ROBO1: variants seen among roughly 807,000 people sequenced by gnomAD.
The protein encoded by ROBO1 is roundabout homolog 1.
A neutral mutation model predicts 195.9 loss-of-function variants in ROBO1; 149 were observed. The ratio of observed to expected loss-of-function variants is 0.76; its 90% CI spans 0.67 to 0.87. ROBO1 has a LOEUF of 0.87. ROBO1 is among the 40% of genes least tolerant of loss of function. The pLI, the probability that ROBO1 is intolerant of heterozygous loss-of-function variation, is 0.00. For missense variants in ROBO1, 1,933 were observed against 2,068.3 expected (o/e 0.93, Z 1.27); for synonymous variants, 816 against 733.2 (o/e 1.11, Z -1.82).
intron 2 of ROBO1, among the ~76,000 whole-genome samples, chr3:79,190,597 G>C (rs1011118278): frequency 1.3e-5 from 2 of 151,440 alleles, no homozygotes; most frequent in African/African-American, 2.4e-5. Flanking sequence ...CAGTGTTGTT[G>C]CATTGTTTTC....
At chr3:79,467,822 G>A (rs757653128) in intron 2 of ROBO1, among the ~76,000 whole-genome samples, 7 of 152,180 alleles carry the variant, frequency 4.6e-5, no homozygotes, top group African/African-American at 1.4e-4. Context: ...CTAGACTGCC[G>A]TGGGGCTAGA....
chr3:79,223,396 C>T (rs1251776169), intron 2 of ROBO1, among the ~76,000 whole-genome samples: 1 of 152,070 alleles, frequency 6.6e-6, no homozygotes. Flanking sequence ...ACAACAGTAT[C>T]TATATTATTC....
chr3:79,166,936 A>T (rs895095381), intron 2 of ROBO1, among the ~76,000 whole-genome samples: 2 of 152,142 alleles, frequency 1.3e-5, no homozygotes, highest in Admixed American at 1.3e-4. Flanking sequence ...TTCCAAAGAC[A>T]TCTTCTTAGG....
intron 1 of ROBO1, among the ~76,000 whole-genome samples, chr3:79,637,432 T>C (rs1260415197): frequency 1.3e-5 from 2 of 149,604 alleles, no homozygotes; most frequent in Admixed American, 6.7e-5. Context: ...AAACCCTTTT[T>C]AAGAGTAAAA....
At chr3:78,985,921 G>A (rs1303372049) in intron 3 of ROBO1, among the ~76,000 whole-genome samples, 1 of 152,096 alleles carries the variant, frequency 6.6e-6, no homozygotes, top group African/African-American at 2.4e-5. Flanking sequence ...TTATGTGGAT[G>A]ATGAAAACCC....
intron 3 of ROBO1, among the ~76,000 whole-genome samples, chr3:78,997,335 A>T (rs1409004967): frequency 6.6e-6 from 1 of 152,160 alleles, no homozygotes; most frequent in Non-Finnish European, 1.5e-5. Flanking sequence ...ACTAGCATAT[A>T]GGTTCCATGA....
intron 4 of ROBO1, among the ~76,000 whole-genome samples, chr3:78,881,205 A>G (rs908713316): frequency 3.9e-5 from 6 of 152,292 alleles, no homozygotes; most frequent in African/African-American, 1.4e-4. Context: ...TATTGATGAG[A>G]GGATTCTGAG....
At chr3:79,167,035 G>T (rs1325434046) in intron 2 of ROBO1, among the ~76,000 whole-genome samples, 1 of 151,962 alleles carries the variant, frequency 6.6e-6, no homozygotes, top group Non-Finnish European at 1.5e-5. Context: ...AAGACTGTCA[G>T]AATTCTGGCT....
intron 4 of ROBO1, among the ~76,000 whole-genome samples, chr3:78,884,648 A>AAGG (rs2036413307): frequency 1.0e-3 from 110 of 107,506 alleles, no homozygotes; most frequent in East Asian, 5.1e-3. Flanking sequence ...AGAAAGAAAG[A>AAGG]AAGGAAGGAA....
At chr3:79,072,277 T>C (rs1435538067) in intron 3 of ROBO1, among the ~76,000 whole-genome samples, 1 of 151,910 alleles carries the variant, frequency 6.6e-6, no homozygotes, top group Non-Finnish European at 1.5e-5. Flanking sequence ...GTTCAATTCA[T>C]TGATCATGGA....
At chr3:79,577,764 T>C (rs1445387978) in intron 2 of ROBO1, among the ~76,000 whole-genome samples, 2 of 137,548 alleles carry the variant, frequency 1.5e-5, no homozygotes, top group Non-Finnish European at 3.1e-5. Flanking sequence ...ACACACAAAA[T>C]TGCTGGGCAT....
At chr3:79,243,236 T>A (rs1297217064) in intron 2 of ROBO1, among the ~76,000 whole-genome samples, 2 of 152,230 alleles carry the variant, frequency 1.3e-5, no homozygotes, top group East Asian at 1.9e-4. Context: ...TCTATCATTG[T>A]TGGACATTTG....
chr3:79,267,295 T>C (rs2030054368), intron 2 of ROBO1, among the ~76,000 whole-genome samples: 1 of 151,548 alleles, frequency 6.6e-6, no homozygotes, highest in Non-Finnish European at 1.5e-5. Flanking sequence ...AATGACTCTC[T>C]ATTCTTGGGA....
chr3:79,687,353 A>C (rs1296654942), intron 1 of ROBO1, among the ~76,000 whole-genome samples: 1 of 152,172 alleles, frequency 6.6e-6, no homozygotes, highest in African/African-American at 2.4e-5. Flanking sequence ...CAATGGCAAC[A>C]AAAGCCAAAA....
chr3:79,145,033 C>G (rs761834122), intron 2 of ROBO1, among the ~76,000 whole-genome samples: 44 of 152,026 alleles, frequency 2.9e-4, no homozygotes, highest in Non-Finnish European at 5.3e-4. Context: ...GATTATTGCT[C>G]TTGTACATCC....
intron 2 of ROBO1, among the ~76,000 whole-genome samples, chr3:79,555,031 T>A (rs746945200): frequency 9.2e-5 from 14 of 152,048 alleles, no homozygotes; most frequent in Non-Finnish European, 1.9e-4. Flanking sequence ...GGTAAGGTGG[T>A]CCTAAGCTTT....
intron 2 of ROBO1, among the ~76,000 whole-genome samples, chr3:79,395,340 A>AAAAAAAAAAAAAAAAAAAAAAAG (rs71631648): frequency 8.4e-6 from 1 of 119,062 alleles, no homozygotes; most frequent in East Asian, 2.6e-4. Flanking sequence ...AAAAAAAAAA[A>AAAAAAAAAAAAAAAAAAAAAAAG]AAAGAAAGAA....
intron 5 of ROBO1, among the ~76,000 whole-genome samples, chr3:78,744,710 GT>G (rs1488591021): frequency 3.3e-5 from 5 of 151,874 alleles, no homozygotes; most frequent in African/African-American, 1.2e-4. Flanking sequence ...ATTTTTTGAG[GT>G]TTTTATGTGA....
intron 2 of ROBO1, among the ~76,000 whole-genome samples, chr3:79,258,029 A>C (rs907674527): frequency 2.6e-5 from 4 of 152,054 alleles, no homozygotes; most frequent in East Asian, 1.9e-4. Context: ...GTCCCATTCC[A>C]ACTAAACTGT....
Sources: gnomAD v4.1 joint callset for allele counts (sites outside exome capture counted in the v4.1 genomes callset) on GRCh38, gnomAD v4.1.1 for gene constraint, MANE v1.5 for transcripts, NCBI Gene and HGNC (gene_info 2026-07-23, HGNC 2026-07-21) for gene names.